Variants in MGAT5 observed in about 807,000 individuals in gnomAD.
The protein encoded by MGAT5 is alpha-1,6-mannosylglycoprotein 6-beta-N-acetylglucosaminyltransferase A.
A neutral mutation model predicts 94.3 loss-of-function variants in MGAT5; 30 were observed. The observed-to-expected ratio is 0.32, with a 90% confidence interval of 0.24 to 0.43. MGAT5 has a LOEUF of 0.43. Among genes scored for constraint, MGAT5 ranks in the 20% least tolerant of loss-of-function variants. MGAT5 has a pLI of 1.00. For missense variants in MGAT5, 691 were observed against 905.5 expected, an observed-to-expected ratio of 0.76 and a Z score of 3.04; for synonymous variants, 310 against 322.9, an observed-to-expected ratio of 0.96 and a Z score of 0.43.
rs117410249 is a variant in MGAT5, at chr2:134,152,003, C to G, written c.-143+31712C>G. On this transcript the variant is annotated intron_variant, in intron 1 of 16. Coordinates refer to the MGAT5 transcript ENST00000409645. Reference sequence around the variant, plus strand: ...CCACTGCCATGAGACCTCACTCACTCATGCCCTATGGGACCTGGTTACTGC... The same window carrying G: ...CCACTGCCATGAGACCTCACTCACTGATGCCCTATGGGACCTGGTTACTGC... Among the ~76,000 whole-genome samples the G allele has an allele frequency of 0.018, 2,653 of 147,138 alleles. 261 individuals carry two copies. In the East Asian group the frequency reaches 0.23, roughly 13 times the overall value.
At chr2:134,128,819 C>T (rs543609144) in intron 1 of MGAT5, among the ~76,000 whole-genome samples, 20 of 152,274 alleles carry the variant, frequency 1.3e-4, no homozygotes, top group African/African-American at 4.3e-4. Flanking sequence ...GATCCTACTG[C>T]CTTAGTCTCT....
rs139848594 is a variant in MGAT5 at position 134,309,105 on chromosome 2, T to C, written c.407-8424T>C. ...ATGTGGCCTGTGTGACTGGTTGCTTTCATCTAGCATAATGTTTTCAAGGTT... is the reference window on the plus strand; with the variant it reads ...ATGTGGCCTGTGTGACTGGTTGCTTCCATCTAGCATAATGTTTTCAAGGTT... On this transcript the variant is annotated intron_variant, in intron 2 of 15. Transcript: ENST00000281923. 5.4e-3 allele frequency among the ~76,000 whole-genome samples: 819 copies of C among 152,336 alleles called. 9 individuals are homozygous for C. Among genetic ancestry groups the C allele is most frequent in the African/African-American group, 0.019 (777 of 41,582 alleles).
intron 1 of MGAT5, among the ~76,000 whole-genome samples, chr2:134,130,887 C>T (rs991569527): frequency 1.3e-5 from 2 of 152,194 alleles, no homozygotes; most frequent in Admixed American, 6.5e-5. Context: ...ATTGTAAATG[C>T]ACCAATCAGC....
upstream of MGAT5, among the ~76,000 whole-genome samples, chr2:134,249,819 T>C (rs1682488459): frequency 6.6e-6 from 1 of 152,262 alleles, no homozygotes; most frequent in Non-Finnish European, 1.5e-5. Flanking sequence ...ACTCCATGTT[T>C]AACTATTTGA....
intron 14 of MGAT5, among the ~76,000 whole-genome samples, chr2:134,436,332 G>A (rs1402066424): frequency 6.6e-6 from 1 of 152,144 alleles, no homozygotes; most frequent in African/African-American, 2.4e-5. Context: ...GTGGCAGCAA[G>A]CTTTGAGAAG....
At chr2:134,216,005 T>C (rs1680477206) in intron 1 of MGAT5, among the ~76,000 whole-genome samples, 2 of 152,230 alleles carry the variant, frequency 1.3e-5, no homozygotes, top group African/African-American at 4.8e-5. Context: ...TAATCTCCAC[T>C]GTCTTTAGAC....
At chr2:134,252,615 C>T (rs942891166), upstream of MGAT5, among the ~76,000 whole-genome samples, 1 of 152,166 alleles carries the variant, frequency 6.6e-6, no homozygotes, top group Non-Finnish European at 1.5e-5. Flanking sequence ...GGTGATGCTG[C>T]TGTTACTGAG....
chr2:134,241,828 G>T (rs1032760293), intron 1 of MGAT5, among the ~76,000 whole-genome samples: 44 of 152,210 alleles, frequency 2.9e-4, no homozygotes, highest in Non-Finnish European at 5.3e-4. Context: ...TAAGAGGTTG[G>T]GCAAAGCCGA....
intron 1 of MGAT5, among the ~76,000 whole-genome samples, chr2:134,160,084 A>G (rs1037955849): frequency 2.0e-5 from 3 of 152,142 alleles, no homozygotes; most frequent in Admixed American, 6.5e-5. Flanking sequence ...GGATGGGTTT[A>G]CACCAGACAA....
chr2:134,121,784 C>A (rs369745410), intron 1 of MGAT5, among the ~76,000 whole-genome samples: 2 of 152,256 alleles, frequency 1.3e-5, no homozygotes, highest in East Asian at 3.9e-4. Flanking sequence ...GAAGCTGGGT[C>A]GTTGAACTGA....
chr2:134,199,262 G>A (rs1410737388), intron 1 of MGAT5, among the ~76,000 whole-genome samples: 1 of 151,992 alleles, frequency 6.6e-6, no homozygotes, highest in Non-Finnish European at 1.5e-5. Context: ...CTGATAAGAG[G>A]GCAGTGTGTT....
intron 8 of MGAT5, among the ~76,000 whole-genome samples, chr2:134,346,052 T>C (rs556631441): frequency 1.1e-4 from 16 of 152,330 alleles, no homozygotes; most frequent in Middle Eastern, 3.4e-3. Context: ...CGGGCCAAGA[T>C]AGTGCTCTAC....
intron 2 of MGAT5, among the ~76,000 whole-genome samples, chr2:134,283,784 C>T (rs370017603): frequency 1.3e-5 from 2 of 149,462 alleles, no homozygotes; most frequent in African/African-American, 4.9e-5. Context: ...TTGACTTAAG[C>T]TGGGTCCTGT....
intron 1 of MGAT5, among the ~76,000 whole-genome samples, chr2:134,177,739 T>A (rs1688547073): frequency 6.6e-6 from 1 of 152,244 alleles, no homozygotes; most frequent in Non-Finnish European, 1.5e-5. Context: ...TGCCTCAGAA[T>A]TAATGGCCAG....
intron 1 of MGAT5, among the ~76,000 whole-genome samples, chr2:134,230,744 G>A (rs570108687): frequency 6.6e-6 from 1 of 152,178 alleles, no homozygotes; most frequent in Non-Finnish European, 1.5e-5. Flanking sequence ...AAACATTTTA[G>A]CAGTTCCTCA....
intron 10 of MGAT5, among the ~76,000 whole-genome samples, chr2:134,384,380 A>AAAT (rs1681835781): frequency 6.6e-6 from 1 of 152,154 alleles, no homozygotes; most frequent in African/African-American, 2.4e-5. Flanking sequence ...TGCCTTTGAA[A>AAAT]GTAAATGTGT....
chr2:134,191,669 C>T (rs1310228359), intron 1 of MGAT5, among the ~76,000 whole-genome samples: 3 of 142,700 alleles, frequency 2.1e-5, no homozygotes, highest in Admixed American at 7.0e-5. Flanking sequence ...TGGGTTCTCG[C>T]CCTCCTCCTC....
chr2:134,218,194 T>C (rs995490091), intron 1 of MGAT5, among the ~76,000 whole-genome samples: 7 of 152,204 alleles, frequency 4.6e-5, no homozygotes, highest in African/African-American at 1.7e-4. Context: ...CCACAGCAGA[T>C]CTTGATGTAT....
intron 1 of MGAT5, among the ~76,000 whole-genome samples, chr2:134,135,615 C>A (rs1573720922): frequency 2.0e-5 from 3 of 147,442 alleles, no homozygotes; most frequent in African/African-American, 5.0e-5. Flanking sequence ...TTGCTTGAAC[C>A]CGGGAGATGG....
Sources: gnomAD v4.1 joint callset for allele counts (sites outside exome capture counted in the v4.1 genomes callset) on GRCh38, gnomAD v4.1.1 for gene constraint, MANE v1.5 for transcripts, NCBI Gene and HGNC (gene_info 2026-07-23, HGNC 2026-07-21) for gene names.